TOGARAM2: variants seen among roughly 807,000 people sequenced by gnomAD.
TOGARAM2 encodes the protein TOG array regulator of axonemal microtubules protein 2.
Under a neutral mutation model 93.3 loss-of-function variants are expected in TOGARAM2, and 85 were observed. The ratio of observed to expected loss-of-function variants is 0.91; its 90% CI spans 0.76 to 1.09. The LOEUF is 1.09. Ranked by LOEUF, TOGARAM2 falls within the 50% of genes least tolerant of loss-of-function variation. The pLI, the probability that TOGARAM2 is intolerant of heterozygous loss-of-function variation, is 0.00. For missense variants in TOGARAM2, 1,277 were observed against 1,334.5 expected (o/e 0.96, Z 0.67); for synonymous variants, 593 against 552.8 (o/e 1.07, Z -1.02).
chr2:28,958,998 C>A (rs918130705), intron 1 of TOGARAM2, among the ~76,000 whole-genome samples: 3 of 152,122 alleles, frequency 2.0e-5, no homozygotes, highest in African/African-American at 7.2e-5. Flanking sequence ...TGAAGCGGAA[C>A]CTGAATGACT....
rs146368413 is a variant in TOGARAM2 at position 29,028,155 on chromosome 2, G to A, written c.2012+1144G>A. On this transcript the variant is annotated intron_variant, in intron 14 of 19. Transcript: ENST00000379558. ...GGGCTTATTACTACCACATCCATTT[G>A]GATGAGTGTGTAGGTCTCCACCCCT... Among the ~76,000 whole-genome samples, 20 of 152,282 alleles carry A rather than the reference G, an allele frequency of 1.3e-4. No individual in the cohort carries two copies. The East Asian group carries it at 3.3e-3, about 25-fold the overall frequency.
At chr2:28,963,631 C>T (rs1356399862) in intron 1 of TOGARAM2, among the ~76,000 whole-genome samples, 5 of 152,216 alleles carry the variant, frequency 3.3e-5, no homozygotes, top group East Asian at 1.9e-4. Context: ...CCTGTCCTCC[C>T]GCCTTGGCTT....
intron 19 of TOGARAM2, chr2:29,051,495 A>T: frequency 3.1e-6 from 1 of 318,646 alleles, no homozygotes; most frequent in African/African-American, 2.1e-5. Flanking sequence ...CCCTTTCTCC[A>T]TAAAAAATAT....
chr2:29,048,078 G>A (rs1370507976), intron 19 of TOGARAM2: 1 of 152,226 alleles, frequency 6.6e-6, no homozygotes, highest in Non-Finnish European at 1.5e-5. Flanking sequence ...ACAGTTCCAT[G>A]TTGCTGGGGA....
chr2:28,968,077 C>T (rs1353447827), intron 1 of TOGARAM2, among the ~76,000 whole-genome samples: 1 of 151,984 alleles, frequency 6.6e-6, no homozygotes, highest in African/African-American at 2.4e-5. Context: ...CCTTGGCCTC[C>T]AAAAGTGTTG....
Position 29,014,569 on chromosome 2 carries a change from G to T in TOGARAM2, c.1044+8G>T, listed in dbSNP as rs995788019. 6.4e-7 allele frequency: 1 copy of T among 1,561,628 alleles called. No homozygotes were observed. Among genetic ancestry groups the T allele is most frequent in the East Asian group, 2.4e-5 (1 of 41,934 alleles). On this transcript the variant is annotated splice_region_variant and intron_variant, in intron 8 of 19. Transcript: ENST00000379558. ...AAGGAGATCGGCACCAAGGTACCTG[G>T]GGAGCGGGAGGAGGAGGAAGTGGGG...
intron 1 of TOGARAM2, among the ~76,000 whole-genome samples, chr2:28,974,665 G>A (rs1338770857): frequency 6.6e-6 from 1 of 151,810 alleles, no homozygotes; most frequent in Non-Finnish European, 1.5e-5. Flanking sequence ...CCAGGCTGGG[G>A]TGCAGTGGCT....
intron 2 of TOGARAM2, among the ~76,000 whole-genome samples, chr2:28,995,173 T>C (rs1239432357): frequency 6.6e-6 from 1 of 152,230 alleles, no homozygotes; most frequent in Non-Finnish European, 1.5e-5. Flanking sequence ...CAAGGTTATG[T>C]GGATGGGCAG....
chr2:29,051,135 G>T (rs1667037915), intron 19 of TOGARAM2: 1 of 152,154 alleles, frequency 6.6e-6, no homozygotes, highest in Non-Finnish European at 1.5e-5. Context: ...CATGTGAGAG[G>T]GTCTTGATTT....
At chr2:29,009,027 A>T (rs1393116571) in intron 6 of TOGARAM2, among the ~76,000 whole-genome samples, 1 of 152,230 alleles carries the variant, frequency 6.6e-6, no homozygotes, top group Non-Finnish European at 1.5e-5. Flanking sequence ...AAAGCTGTTA[A>T]GCACCTACTA....
chr2:29,020,664 G>A lies in TOGARAM2; in HGVS notation c.1361-1494G>A, dbSNP rs540475407. Reference sequence around the variant, plus strand: ...TGCCCCTGTGGGGTGCGGTGAAGGCGAGGAAGGGGGGCAGCAGGGCAGGTG... The same window carrying A: ...TGCCCCTGTGGGGTGCGGTGAAGGCAAGGAAGGGGGGCAGCAGGGCAGGTG... On this transcript the variant is annotated intron_variant, in intron 10 of 19. Coordinates refer to ENST00000379558, the MANE Select transcript of TOGARAM2 (RefSeq NM_199280.4). 6.0e-4 allele frequency among the ~76,000 whole-genome samples: 92 copies of A among 152,306 alleles called. 1 individual carries two copies. The highest frequency in any genetic ancestry group is 2.0e-3 in the African/African-American group (85 of 41,568).
In TOGARAM2 at chr2:29,051,580, A is replaced by G. The variant is rs73922955; in HGVS notation, c.2723-176A>G. Reference sequence around the variant, plus strand: ...GGTTGGACATATTCATATATTTTCTACTAATGTTAAAAGAAGCTAACACAT... The same window carrying G: ...GGTTGGACATATTCATATATTTTCTGCTAATGTTAAAAGAAGCTAACACAT... On this transcript the variant is annotated intron_variant, in intron 19 of 19. Transcript: ENST00000379558. The G allele has an allele frequency of 2.1e-3, 1,085 of 526,240 alleles. 14 individuals are homozygous for G. The highest frequency in any genetic ancestry group is 0.019 in the African/African-American group (980 of 52,330). 32.6% of individuals were successfully genotyped at this position (526,240 alleles called of 1,614,324 possible).
At chr2:29,045,303 G>T in intron 18 of TOGARAM2, 21 bp from the exon 19 acceptor site, 1 of 1,607,430 alleles carries the variant, frequency 6.2e-7, no homozygotes, top group South Asian at 1.1e-5. Context: ...TGTGGCCACT[G>T]ACATCCCCCT....
At chr2:28,994,431 G>GA (rs1322086650) in intron 1 of TOGARAM2, among the ~76,000 whole-genome samples, 1 of 152,110 alleles carries the variant, frequency 6.6e-6, no homozygotes, top group East Asian at 1.9e-4. Flanking sequence ...ACACTACCTT[G>GA]AAAAAAATCA....
chr2:29,049,434 G>A (rs777973498), intron 19 of TOGARAM2: 14 of 152,222 alleles, frequency 9.2e-5, no homozygotes, highest in Non-Finnish European at 1.6e-4. Flanking sequence ...TATAAACACG[G>A]GCATAGAAAT....
rs1214773773 is a variant in TOGARAM2, at chr2:29,052,185, A to G, written c.*92A>G. On this transcript the variant is annotated 3_prime_UTR_variant, in exon 20 of 20. Coordinates refer to ENST00000379558, the MANE Select transcript of TOGARAM2 (RefSeq NM_199280.4). ...TTCCCCCTTAGAGTTCCAGATGTAC[A>G]TGGTATATTTTGAAGTAGAAATAAA... 2 of 996,056 alleles carry G rather than the reference A, an allele frequency of 2.0e-6. No homozygotes were observed. Among genetic ancestry groups the G allele is most frequent in the African/African-American group, 1.7e-5 (1 of 60,056 alleles). 61.7% of individuals were successfully genotyped at this position (996,056 alleles called of 1,614,324 possible).
At chr2:29,023,260 G>C (rs1368308206) in intron 12 of TOGARAM2, 69 bp downstream of exon 12, 1 of 1,300,764 alleles carries the variant, frequency 7.7e-7, no homozygotes, top group African/African-American at 1.5e-5. Flanking sequence ...TCCGCTAGCA[G>C]CTGTGGAGGG....
At position 29,017,178 on chromosome 2, in the gene TOGARAM2, G is replaced by C. The variant is rs778635554; in HGVS notation, c.1069G>C (p.Ala357Pro). The change falls in exon 9 of 20, where the codon GCC becomes CCC. Residue 357 changes from alanine (A) to proline (P), a missense_variant. Coordinates refer to ENST00000379558, the MANE Select transcript of TOGARAM2 (RefSeq NM_199280.4). The part of the protein sequence containing the change: ...TKIQVTISKS[A>P]REKMQLKQMK... ...GATCCAAGTCACCATCTCCAAGTCT[G>C]CCCGGGAGAAGATGCAGCTGAAGCA... is the stretch of plus-strand genomic sequence containing the variant. The C allele has an allele frequency of 4.3e-6, 7 of 1,613,816 alleles. No homozygotes were observed. The highest frequency in any genetic ancestry group is 5.9e-6 in the Non-Finnish European group (7 of 1,179,788).
At chr2:29,006,146 TG>T (rs1663795988) in intron 6 of TOGARAM2, among the ~76,000 whole-genome samples, 1 of 144,214 alleles carries the variant, frequency 6.9e-6, no homozygotes, top group Non-Finnish European at 1.5e-5. Flanking sequence ...AGAGCATGCA[TG>T]TGCGTAAGTA....
Sources: allele counts gnomAD v4.1 joint callset (sites outside exome capture counted in the v4.1 genomes callset), GRCh38; gene constraint gnomAD v4.1.1; transcripts MANE v1.5; gene names NCBI Gene and HGNC (gene_info 2026-07-23, HGNC 2026-07-21).